Variants in PPP4R3A observed in about 807,000 individuals in gnomAD.
PPP4R3A encodes serine/threonine-protein phosphatase 4 regulatory subunit 3A.
A neutral mutation model predicts 91.7 loss-of-function variants in PPP4R3A; 15 were observed. The ratio of observed to expected loss-of-function variants is 0.16; its 90% CI spans 0.11 to 0.25. PPP4R3A has a LOEUF of 0.25. Among genes scored for constraint, PPP4R3A ranks in the 10% least tolerant of loss-of-function variants. The pLI is 1.00. For synonymous variants in PPP4R3A, 377 were observed against 348.7 expected, an observed-to-expected ratio of 1.08 and a Z score of -0.91; for missense variants, 623 against 998.4, an observed-to-expected ratio of 0.62 and a Z score of 5.07.
chr14:91,497,018 C>T (rs117035207), intron 1 of PPP4R3A, among the ~76,000 whole-genome samples: 1 of 152,210 alleles, frequency 6.6e-6, no homozygotes, highest in East Asian at 1.9e-4. Context: ...GTATTAGGCA[C>T]AGTAATTCTA....
chr14:91,460,213 C>CGGTG (rs1888041288), intron 14 of PPP4R3A, among the ~76,000 whole-genome samples: 1 of 151,982 alleles, frequency 6.6e-6, no homozygotes, highest in Non-Finnish European at 1.5e-5. Context: ...GGGGTTTCAC[C>CGGTG]GTATTAGCCA....
intron 14 of PPP4R3A, among the ~76,000 whole-genome samples, chr14:91,460,950 T>C (rs1888114867): frequency 6.6e-6 from 1 of 152,168 alleles, no homozygotes; most frequent in African/African-American, 2.4e-5. Flanking sequence ...ATGTTAGTGA[T>C]AGTAGATGTT....
At chr14:91,471,983 CA>C (rs1459832236) in intron 9 of PPP4R3A, among the ~76,000 whole-genome samples, 4 of 137,372 alleles carry the variant, frequency 2.9e-5, no homozygotes, top group Non-Finnish European at 6.1e-5. Flanking sequence ...GAGAATTGCT[CA>C]AACCTGGGAG....
intron 14 of PPP4R3A, among the ~76,000 whole-genome samples, chr14:91,460,865 C>T (rs1337289796): frequency 3.3e-5 from 5 of 152,010 alleles, no homozygotes; most frequent in African/African-American, 7.2e-5. Context: ...GTGTCCTGCC[C>T]GCCTCAGCCT....
chr14:91,507,381 ACT>A (rs1891386009), intron 1 of PPP4R3A, among the ~76,000 whole-genome samples: 2 of 66,612 alleles, frequency 3.0e-5, no homozygotes, highest in Non-Finnish European at 7.4e-5. Flanking sequence ...AATTATATAT[ACT>A]ATATAGTATA....
intron 10 of PPP4R3A, 65 bp from the exon 11 acceptor site, chr14:91,465,484 C>G (rs1888416731): frequency 2.2e-6 from 3 of 1,389,362 alleles, no homozygotes; most frequent in Non-Finnish European, 2.8e-6. Context: ...ACTTACCAAA[C>G]AAAAATAACC....
At chr14:91,499,746 G>A (rs1325495274) in intron 1 of PPP4R3A, among the ~76,000 whole-genome samples, 8 of 150,072 alleles carry the variant, frequency 5.3e-5, no homozygotes, top group Non-Finnish European at 7.4e-5. Flanking sequence ...GCTTGAACCC[G>A]GGAGGCAGAG....
In PPP4R3A at chr14:91,476,258, T is replaced by C. The variant is rs555680028; in HGVS notation, c.1110+150A>G. 15 of 727,636 alleles carry C rather than the reference T, an allele frequency of 2.1e-5. No individual in the cohort carries two copies. In the East Asian group the frequency reaches 3.9e-4, roughly 19 times the overall value. The allele number at this position is 727,636 out of a possible 1,614,324, so 45.1% of individuals were successfully genotyped here. ...CTTTCAATACTGTGTGAAAACTGTCTAATATTGGAATTTTACAGCTTCTTT... is the reference window on the plus strand; with the variant it reads ...CTTTCAATACTGTGTGAAAACTGTCCAATATTGGAATTTTACAGCTTCTTT... On this transcript the variant is annotated intron_variant, in intron 6 of 14. Transcript: ENST00000554943.
At chr14:91,490,662 T>G (rs1890181068) in intron 2 of PPP4R3A, 85 bp downstream of exon 2, 1 of 1,097,018 alleles carries the variant, frequency 9.1e-7, no homozygotes, top group Admixed American at 2.2e-5. Flanking sequence ...CTCTTCTAAA[T>G]TTTTCACTAT....
chr14:91,495,302 A>ATGTGTGTGTGTGTGTGTGTGTGTG (rs60663799), intron 1 of PPP4R3A, among the ~76,000 whole-genome samples: 12,844 of 140,700 alleles, frequency 0.091, 807 homozygotes, highest in Middle Eastern at 0.12. Context: ...CAGATACATA[A>ATGTGTGTGTGTGTGTGTGTGTGTG]TGTGTGTGTG....
At chr14:91,472,632 A>AT (rs1383955905) in intron 9 of PPP4R3A, among the ~76,000 whole-genome samples, 2 of 151,316 alleles carry the variant, frequency 1.3e-5, no homozygotes, top group Admixed American at 6.6e-5. Context: ...GCCCAGCTAA[A>AT]TTTTTTTTGT....
rs916366547 is a variant in PPP4R3A at position 91,510,292 on chromosome 14, C to G, written c.-645G>C. On this transcript the variant is annotated 5_prime_UTR_variant, in exon 1 of 15. Coordinates refer to ENST00000554943, the MANE Select transcript of PPP4R3A (RefSeq NM_001366432.2). ...AGCCAAAACCGCCGCCATCTTGGTT[C>G]GCCCCTCAAAAGCGGCGCGCGGGGC... The G allele has an allele frequency of 1.3e-5, 2 of 152,698 alleles. No individual in the cohort carries two copies. The highest frequency in any genetic ancestry group is 4.8e-5 in the African/African-American group (2 of 41,470). 9.5% of individuals were successfully genotyped at this position (152,698 alleles called of 1,614,324 possible).
intron 3 of PPP4R3A, among the ~76,000 whole-genome samples, chr14:91,484,962 C>G (rs1385802777): frequency 6.6e-6 from 1 of 151,904 alleles, no homozygotes; most frequent in Non-Finnish European, 1.5e-5. Context: ...ACATTCGAGC[C>G]TAGAGGCACG....
chr14:91,500,246 G>A (rs1890857136), intron 1 of PPP4R3A, among the ~76,000 whole-genome samples: 1 of 152,124 alleles, frequency 6.6e-6, no homozygotes, highest in Admixed American at 6.5e-5. Flanking sequence ...CTCTTGTCAG[G>A]CTGGAGTGCG....
At chr14:91,471,114 T>C in intron 9 of PPP4R3A, 119 bp from the exon 10 acceptor site, 3 of 920,194 alleles carry the variant, frequency 3.3e-6, no homozygotes, top group South Asian at 2.0e-5. Context: ...ATATTAACTT[T>C]AGGGAGGAGG....
At chr14:91,508,746 G>A (rs1294415282) in intron 1 of PPP4R3A, among the ~76,000 whole-genome samples, 1 of 152,178 alleles carries the variant, frequency 6.6e-6, no homozygotes, top group Non-Finnish European at 1.5e-5. Context: ...TAAACACTAG[G>A]GAAGATCCGA....
At chr14:91,489,083 ATATT>A (rs1890079725) in intron 2 of PPP4R3A, among the ~76,000 whole-genome samples, 2 of 151,864 alleles carry the variant, frequency 1.3e-5, no homozygotes, top group Non-Finnish European at 2.9e-5. Context: ...TATTTTTTGT[ATATT>A]TAGTAGAGAC....
At chr14:91,468,101 C>T (rs1888588916) in intron 10 of PPP4R3A, among the ~76,000 whole-genome samples, 1 of 152,096 alleles carries the variant, frequency 6.6e-6, no homozygotes, top group Non-Finnish European at 1.5e-5. Context: ...ATCCTCAACC[C>T]TGGGAAGAGA....
upstream of PPP4R3A, chr14:91,510,423 GC>G (rs1891735158): frequency 6.5e-6 from 1 of 152,774 alleles, no homozygotes; most frequent in Admixed American, 6.5e-5. Context: ...GAGGCGGGAG[GC>G]GGGCGCGGAG....
Sources: allele counts gnomAD v4.1 joint callset (sites outside exome capture counted in the v4.1 genomes callset), GRCh38; gene constraint gnomAD v4.1.1; transcripts MANE v1.5; gene names NCBI Gene and HGNC (gene_info 2026-07-23, HGNC 2026-07-21).